LRBA: variants seen among roughly 807,000 people sequenced by gnomAD.
LRBA encodes LPS responsive beige-like anchor protein.
In LRBA, 176 loss-of-function variants were observed where a neutral mutation model predicts 330.0. The observed-to-expected ratio is 0.53, with a 90% confidence interval of 0.47 to 0.60. LRBA has a LOEUF of 0.60. LRBA is among the 20% of genes least tolerant of loss of function. The probability of loss-of-function intolerance (pLI) is 0.00; values close to 1 mark genes in which losing one functional copy is unlikely to be tolerated. For missense variants in LRBA, 3,259 were observed against 3,444.8 expected, an observed-to-expected ratio of 0.95 and a Z score of 1.35; for synonymous variants, 1,230 against 1,193.0, an observed-to-expected ratio of 1.03 and a Z score of -0.64.
intron 2 of LRBA, among the ~76,000 whole-genome samples, chr4:150,989,286 GC>G (rs1426119249): frequency 1.3e-5 from 2 of 152,044 alleles, no homozygotes; most frequent in African/African-American, 4.8e-5. Flanking sequence ...AATTACAGGT[GC>G]GAGCCACAGC....
chr4:150,271,518 A>T (rs1310122675), intron 56 of LRBA, among the ~76,000 whole-genome samples: 1 of 115,538 alleles, frequency 8.7e-6, no homozygotes, highest in Non-Finnish European at 1.7e-5. Flanking sequence ...GGGACACTCA[A>T]GCTTGGTGGG....
At chr4:150,646,969 G>A (rs1374592690) in intron 37 of LRBA, among the ~76,000 whole-genome samples, 2 of 152,110 alleles carry the variant, frequency 1.3e-5, no homozygotes, top group Non-Finnish European at 2.9e-5. Flanking sequence ...TATTCAGTGT[G>A]TATGTGTTTA....
chr4:150,365,943 C>T (rs1390122303), intron 47 of LRBA, among the ~76,000 whole-genome samples: 4 of 151,968 alleles, frequency 2.6e-5, no homozygotes, highest in East Asian at 1.9e-4. Context: ...TGTAACTACC[C>T]GATTGGTTCT....
intron 37 of LRBA, among the ~76,000 whole-genome samples, chr4:150,639,659 T>C (rs1581890398): frequency 7.2e-6 from 1 of 139,384 alleles, no homozygotes; most frequent in East Asian, 2.1e-4. Context: ...TGGTCCTAGA[T>C]CCTACATTAC....
chr4:150,623,236 A>G (rs1238080029), intron 37 of LRBA, among the ~76,000 whole-genome samples: 1 of 152,144 alleles, frequency 6.6e-6, no homozygotes, highest in Non-Finnish European at 1.5e-5. Flanking sequence ...ACAGTATTTA[A>G]CAAAATTTGT....
intron 17 of LRBA, among the ~76,000 whole-genome samples, chr4:150,882,449 A>G (rs1017676819): frequency 3.3e-5 from 5 of 152,212 alleles, no homozygotes; most frequent in Non-Finnish European, 7.3e-5. Flanking sequence ...TCTAATCATA[A>G]AACAATAAAT....
chr4:150,569,095 A>C (rs1171941127), intron 40 of LRBA, among the ~76,000 whole-genome samples: 2 of 152,150 alleles, frequency 1.3e-5, no homozygotes, highest in African/African-American at 4.8e-5. Context: ...TAAAACACTT[A>C]AAACATTGTT....
rs190662837 is a variant in LRBA, at chr4:150,814,980, C to T, written c.5305+2144G>A. Reference sequence around the variant, plus strand: ...TATTACCCATATGTCTCAGCTGTTTCTTATCTCTTCTGAAAACTCCAAGAC... The same window carrying T: ...TATTACCCATATGTCTCAGCTGTTTTTTATCTCTTCTGAAAACTCCAAGAC... On this transcript the variant is annotated intron_variant, in intron 31 of 56. Transcript: ENST00000651943. Among the ~76,000 whole-genome samples the T allele has an allele frequency of 6.0e-3, 916 of 151,968 alleles. 4 individuals are homozygous for T. Among genetic ancestry groups the T allele is most frequent in the Non-Finnish European group, 0.01 (691 of 67,864 alleles).
intron 2 of LRBA, among the ~76,000 whole-genome samples, chr4:150,961,608 G>C (rs1738155873): frequency 6.7e-6 from 1 of 149,386 alleles, no homozygotes; most frequent in Non-Finnish European, 1.5e-5. Context: ...GAAGCAAGTA[G>C]ACAAGCTGAC....
At chr4:150,451,730 A>T (rs1753370063) in intron 44 of LRBA, among the ~76,000 whole-genome samples, 1 of 152,150 alleles carries the variant, frequency 6.6e-6, no homozygotes, top group Admixed American at 6.5e-5. Flanking sequence ...AAACAGAAAA[A>T]GCAATAGAAA....
intron 30 of LRBA, among the ~76,000 whole-genome samples, chr4:150,826,859 A>T (rs1259095526): frequency 6.6e-6 from 1 of 152,232 alleles, no homozygotes; most frequent in Non-Finnish European, 1.5e-5. Flanking sequence ...TAGAAGGATT[A>T]TACCACTGAG....
At chr4:150,393,630 G>T (rs561080229) in intron 47 of LRBA, among the ~76,000 whole-genome samples, 4 of 152,018 alleles carry the variant, frequency 2.6e-5, no homozygotes, top group Non-Finnish European at 4.4e-5. Flanking sequence ...GACTAAAGGT[G>T]TGCATCACTA....
rs113497957 is a variant in LRBA, at chr4:150,400,935, C to T, written c.7194+14503G>A. On this transcript the variant is annotated intron_variant, in intron 47 of 56. Coordinates refer to ENST00000651943, the MANE Select transcript of LRBA (RefSeq NM_001364905.1). ...TTGAGCTGTGTCCCCTCCAACACAA[C>T]TCCATATGTTGGAGTCTTAAACTCC... Among the ~76,000 whole-genome samples the T allele has an allele frequency of 8.5e-3, 1,296 of 152,310 alleles. 16 individuals are homozygous for T. Among genetic ancestry groups the T allele is most frequent in the African/African-American group, 0.03 (1,233 of 41,586 alleles).
chr4:150,855,588 G>A (rs1451869713), intron 22 of LRBA, among the ~76,000 whole-genome samples: 1 of 152,018 alleles, frequency 6.6e-6, no homozygotes. Context: ...TACCACCCAT[G>A]TCAAGAAGTA....
intron 39 of LRBA, 38 bp from the exon 40 acceptor site, chr4:150,588,222 G>A: frequency 1.3e-6 from 2 of 1,545,414 alleles, no homozygotes; most frequent in Non-Finnish European, 1.7e-6. Flanking sequence ...AAGTTGGAAT[G>A]ACATTTTTCA....
intron 4 of LRBA, among the ~76,000 whole-genome samples, chr4:150,926,828 T>C (rs1032700837): frequency 1.1e-4 from 16 of 152,006 alleles, no homozygotes; most frequent in African/African-American, 3.9e-4. Context: ...ATCCCAGCAC[T>C]TTGGGAGGCC....
intron 48 of LRBA, among the ~76,000 whole-genome samples, chr4:150,338,105 C>G (rs1424055856): frequency 6.6e-6 from 1 of 152,146 alleles, no homozygotes; most frequent in Non-Finnish European, 1.5e-5. Flanking sequence ...TTACGCATAG[C>G]TAAGACAGCA....
chr4:150,511,346 A>C (rs1238523773), intron 40 of LRBA, among the ~76,000 whole-genome samples: 1 of 152,232 alleles, frequency 6.6e-6, no homozygotes, highest in Non-Finnish European at 1.5e-5. Context: ...GAACTACTTC[A>C]CTTGACTCTA....
intron 37 of LRBA, among the ~76,000 whole-genome samples, chr4:150,631,562 A>G (rs191221704): frequency 1.1e-4 from 16 of 152,334 alleles, no homozygotes; most frequent in Admixed American, 3.3e-4. Flanking sequence ...GTATTACATA[A>G]TCACCTTCCA....
Sources: allele counts gnomAD v4.1 joint callset (sites outside exome capture counted in the v4.1 genomes callset), GRCh38; gene constraint gnomAD v4.1.1; transcripts MANE v1.5; gene names NCBI Gene and HGNC (gene_info 2026-07-23, HGNC 2026-07-21).